KDM4C: variants seen among roughly 807,000 people sequenced by gnomAD.
The protein encoded by KDM4C is lysine demethylase 4C.
A neutral mutation model predicts 129.3 loss-of-function variants in KDM4C; 81 were observed. That is an observed-to-expected ratio of 0.63 (90% confidence interval 0.52 to 0.75). KDM4C has a LOEUF of 0.75. Ranked by LOEUF, KDM4C falls within the 30% of genes least tolerant of loss-of-function variation. The pLI is 0.00. For missense variants in KDM4C, 1,457 were observed against 1,304.0 expected, an observed-to-expected ratio of 1.12 and a Z score of -1.81; for synonymous variants, 573 against 456.1, an observed-to-expected ratio of 1.26 and a Z score of -3.26.
intron 1 of KDM4C, among the ~76,000 whole-genome samples, chr9:6,738,071 T>A (rs1159371598): frequency 6.6e-6 from 1 of 151,402 alleles, no homozygotes; most frequent in African/African-American, 2.4e-5. Context: ...GAGGCAGAGG[T>A]TGCAGTGAGG....
intron 18 of KDM4C, among the ~76,000 whole-genome samples, chr9:7,121,962 TG>T (rs1839532841): frequency 6.6e-6 from 1 of 152,228 alleles, no homozygotes; most frequent in African/African-American, 2.4e-5. Flanking sequence ...GCTTATTTTC[TG>T]GTTGGTTTTA....
intron 8 of KDM4C, among the ~76,000 whole-genome samples, chr9:6,951,421 C>A (rs917025202): frequency 4.6e-5 from 7 of 152,170 alleles, no homozygotes; most frequent in South Asian, 2.1e-4. Flanking sequence ...TGATTACATT[C>A]TGGTGCCCTT....
At chr9:7,120,242 A>C (rs975626386) in intron 18 of KDM4C, among the ~76,000 whole-genome samples, 3 of 152,014 alleles carry the variant, frequency 2.0e-5, no homozygotes, top group African/African-American at 7.3e-5. Context: ...GCCTTTGATG[A>C]AGCAGTCCAG....
At chr9:6,882,801 T>C (rs201131396) in intron 6 of KDM4C, among the ~76,000 whole-genome samples, 426 of 134,314 alleles carry the variant, frequency 3.2e-3, no homozygotes, top group East Asian at 8.0e-3. Flanking sequence ...TGTGTGTGTG[T>C]GTGTGCGCGT....
At position 7,113,348 on chromosome 9, in the gene KDM4C, C is replaced by T. The variant is rs1477982064; in HGVS notation, c.2610+9478C>T. On this transcript the variant is annotated intron_variant, in intron 18 of 21. Transcript: ENST00000381309. ...TAGCACAGACCTTTTAGAATATTGA[C>T]ATTCAGAACCTATCTTTCTCTTATT... Among the ~76,000 whole-genome samples, 7 of 152,238 alleles carry T rather than the reference C, an allele frequency of 4.6e-5. No individual in the cohort carries two copies. In the East Asian group the frequency reaches 9.6e-4, roughly 21 times the overall value.
At chr9:6,776,249 A>G (rs1428724083) in intron 1 of KDM4C, among the ~76,000 whole-genome samples, 2 of 152,092 alleles carry the variant, frequency 1.3e-5, no homozygotes, top group Admixed American at 6.6e-5. Flanking sequence ...GTATGCCACC[A>G]TGCCCCGCTC....
At chr9:6,952,519 C>T (rs1280229206) in intron 8 of KDM4C, among the ~76,000 whole-genome samples, 1 of 151,840 alleles carries the variant, frequency 6.6e-6, no homozygotes, top group Non-Finnish European at 1.5e-5. Flanking sequence ...CGGCTCACTG[C>T]AACCTCTGCC....
At chr9:6,991,324 T>C (rs1431956052) in intron 12 of KDM4C, among the ~76,000 whole-genome samples, 3 of 152,116 alleles carry the variant, frequency 2.0e-5, no homozygotes, top group Non-Finnish European at 4.4e-5. Context: ...GCTCAAGCAT[T>C]TCTCCTGCCT....
intron 4 of KDM4C, among the ~76,000 whole-genome samples, chr9:6,840,498 G>A (rs1588628742): frequency 6.6e-6 from 1 of 152,086 alleles, no homozygotes; most frequent in Non-Finnish European, 1.5e-5. Flanking sequence ...CCAGGTTCCA[G>A]TGATTCTCCT....
chr9:6,722,105 G>C (rs751549582), intron 1 of KDM4C, among the ~76,000 whole-genome samples: 19 of 152,170 alleles, frequency 1.2e-4, no homozygotes, highest in Non-Finnish European at 2.1e-4. Context: ...TTCCCCAATA[G>C]CCTAGGACAA....
chr9:7,112,952 A>G (rs907100797), intron 18 of KDM4C, among the ~76,000 whole-genome samples: 1 of 152,116 alleles, frequency 6.6e-6, no homozygotes, highest in Non-Finnish European at 1.5e-5. Context: ...TGTTTAACAA[A>G]GTTTGTTTTG....
At chr9:7,039,947 C>T (rs1828275786) in intron 15 of KDM4C, among the ~76,000 whole-genome samples, 1 of 151,984 alleles carries the variant, frequency 6.6e-6, no homozygotes, top group African/African-American at 2.4e-5. Flanking sequence ...CATCTAATTC[C>T]ACTACTAATT....
chr9:6,833,594 A>C (rs1043973143), intron 4 of KDM4C, among the ~76,000 whole-genome samples: 1 of 152,212 alleles, frequency 6.6e-6, no homozygotes, highest in East Asian at 1.9e-4. Flanking sequence ...CAGTCCCCTC[A>C]TTTATAAAAC....
At chr9:6,831,658 C>A (rs1564113627) in intron 4 of KDM4C, among the ~76,000 whole-genome samples, 1 of 152,046 alleles carries the variant, frequency 6.6e-6, no homozygotes, top group Non-Finnish European at 1.5e-5. Context: ...GAGATCTTTA[C>A]CCTCATGTTT....
At chr9:7,134,525 C>T (rs368573297) in intron 19 of KDM4C, among the ~76,000 whole-genome samples, 11 of 152,184 alleles carry the variant, frequency 7.2e-5, no homozygotes, top group African/African-American at 2.7e-4. Flanking sequence ...TCACAAATGT[C>T]ACAATTTTTC....
At chr9:6,970,000 T>C (rs1044226788) in intron 8 of KDM4C, among the ~76,000 whole-genome samples, 3 of 152,234 alleles carry the variant, frequency 2.0e-5, no homozygotes, top group African/African-American at 7.2e-5. Flanking sequence ...TGGTGTTGCT[T>C]GGGCCATGTG....
At chr9:6,844,124 A>G (rs1363100083) in intron 4 of KDM4C, among the ~76,000 whole-genome samples, 1 of 152,198 alleles carries the variant, frequency 6.6e-6, no homozygotes, top group African/African-American at 2.4e-5. Context: ...GGCATAAACC[A>G]TCATTTTTAC....
chr9:6,779,604 C>G (rs538456796), intron 1 of KDM4C, among the ~76,000 whole-genome samples: 4 of 152,154 alleles, frequency 2.6e-5, no homozygotes. Context: ...CTTGACAGCT[C>G]CTGCTGCAGC....
intron 17 of KDM4C, among the ~76,000 whole-genome samples, chr9:7,070,959 C>T (rs1456068402): frequency 1.3e-5 from 2 of 152,046 alleles, no homozygotes; most frequent in African/African-American, 4.8e-5. Flanking sequence ...CTAATAAAAC[C>T]TATGAATGAG....
Sources: gnomAD v4.1 joint callset for allele counts (sites outside exome capture counted in the v4.1 genomes callset) on GRCh38, gnomAD v4.1.1 for gene constraint, MANE v1.5 for transcripts, NCBI Gene and HGNC (gene_info 2026-07-23, HGNC 2026-07-21) for gene names.